The following SRGAP1 variants were observed in gnomAD, a reference collection of about 807,000 sequenced individuals.
The protein encoded by SRGAP1 is SLIT-ROBO Rho GTPase-activating protein 1.
A neutral mutation model predicts 121.9 loss-of-function variants in SRGAP1; 43 were observed. The ratio of observed to expected loss-of-function variants is 0.35; its 90% CI spans 0.28 to 0.46. The LOEUF (loss-of-function observed/expected upper bound fraction) is 0.46. SRGAP1 is among the 20% of genes least tolerant of loss of function. SRGAP1 has a pLI of 1.00. For synonymous variants in SRGAP1, 447 were observed against 485.4 expected (o/e 0.92, Z 1.04); for missense variants, 1,102 against 1,350.9 (o/e 0.82, Z 2.89).
chr12:63,896,390 A>G (rs1478644671), intron 1 of SRGAP1, among the ~76,000 whole-genome samples: 1 of 152,170 alleles, frequency 6.6e-6, no homozygotes, highest in Non-Finnish European at 1.5e-5. Context: ...ACACTTTCTT[A>G]CCTATAGTTG....
rs993127532 is a variant in SRGAP1 at position 64,147,698 on chromosome 12, G to A, written c.*5026G>A. 2.3e-5 allele frequency: 9 copies of A among 398,460 alleles called. No homozygotes were observed. The highest frequency in any genetic ancestry group is 4.0e-5 in the Non-Finnish European group (9 of 226,078). The allele number at this position is 398,460 out of a possible 1,614,324, so 24.7% of individuals were successfully genotyped here. A position where few individuals can be genotyped will look rare whatever the true frequency, so the allele number is the denominator to read the frequency against. On this transcript the variant is annotated 3_prime_UTR_variant, in exon 22 of 22. Coordinates refer to ENST00000355086, the MANE Select transcript of SRGAP1 (RefSeq NM_020762.4). The stretch of plus-strand genomic sequence containing the variant: ...TTTACAGTCTGGAAAGAAAAAAAAT[G>A]TTTTGTTAATCTGTTGTGACAATGC...
intron 1 of SRGAP1, among the ~76,000 whole-genome samples, chr12:63,934,088 C>T (rs916712617): frequency 3.9e-5 from 6 of 152,016 alleles, no homozygotes; most frequent in African/African-American, 1.5e-4. Flanking sequence ...GTCCTTTTGC[C>T]CTGAGATATA....
intron 3 of SRGAP1, among the ~76,000 whole-genome samples, chr12:64,014,446 C>T (rs1018801199): frequency 1.3e-5 from 2 of 152,092 alleles, no homozygotes; most frequent in Non-Finnish European, 2.9e-5. Context: ...GGGAATAACA[C>T]ACACTGGGGC....
chr12:63,957,923 C>T (rs770443763), intron 1 of SRGAP1, among the ~76,000 whole-genome samples: 8 of 152,126 alleles, frequency 5.3e-5, no homozygotes, highest in East Asian at 3.9e-4. Context: ...CATGCCTCTG[C>T]GGGGTGCTGA....
chr12:64,069,666 G>A (rs889103575), intron 8 of SRGAP1, among the ~76,000 whole-genome samples: 2 of 151,974 alleles, frequency 1.3e-5, no homozygotes, highest in Non-Finnish European at 2.9e-5. Flanking sequence ...CATTACTTTT[G>A]TTTTTGTTTT....
intron 1 of SRGAP1, among the ~76,000 whole-genome samples, chr12:63,917,189 A>G (rs894238526): frequency 2.0e-5 from 3 of 152,206 alleles, no homozygotes; most frequent in South Asian, 4.1e-4. Context: ...AACACTAATA[A>G]TAAATACTGC....
intron 3 of SRGAP1, among the ~76,000 whole-genome samples, chr12:64,014,215 C>T (rs1401592180): frequency 6.6e-6 from 1 of 152,180 alleles, no homozygotes; most frequent in Non-Finnish European, 1.5e-5. Context: ...CTTAGGCATT[C>T]TGACTCTAGT....
intron 1 of SRGAP1, among the ~76,000 whole-genome samples, chr12:63,921,074 G>A (rs1318082848): frequency 6.6e-5 from 10 of 152,024 alleles, no homozygotes; most frequent in Admixed American, 4.6e-4. Flanking sequence ...CATCTGGTTC[G>A]ACAAGCCAGA....
At chr12:64,062,065 A>G (rs1047583951) in intron 6 of SRGAP1, among the ~76,000 whole-genome samples, 1 of 152,086 alleles carries the variant, frequency 6.6e-6, no homozygotes, top group Admixed American at 6.6e-5. Flanking sequence ...GCTGAGTCAT[A>G]TGGTAACTCT....
intron 1 of SRGAP1, among the ~76,000 whole-genome samples, chr12:63,981,700 G>A (rs1248035055): frequency 3.3e-5 from 5 of 152,142 alleles, no homozygotes; most frequent in Non-Finnish European, 7.4e-5. Flanking sequence ...CGTCTGTGAA[G>A]TTATAATAAA....
At chr12:64,053,790 A>G (rs923031697) in intron 6 of SRGAP1, among the ~76,000 whole-genome samples, 1 of 152,194 alleles carries the variant, frequency 6.6e-6, no homozygotes, top group African/African-American at 2.4e-5. Flanking sequence ...ATTATCCTGT[A>G]AGAATTAGGA....
chr12:63,998,446 A>C (rs2033778487), intron 3 of SRGAP1, among the ~76,000 whole-genome samples: 1 of 152,172 alleles, frequency 6.6e-6, no homozygotes, highest in Non-Finnish European at 1.5e-5. Flanking sequence ...AGGAGGACTG[A>C]TGATGCTCAT....
intron 1 of SRGAP1, among the ~76,000 whole-genome samples, chr12:63,848,337 C>T (rs912717891): frequency 6.6e-6 from 1 of 152,044 alleles, no homozygotes. Flanking sequence ...GCCACTGTGG[C>T]TGCCTGCACA....
intron 17 of SRGAP1, 77 bp downstream of exon 17, chr12:64,112,063 A>T: frequency 8.2e-7 from 1 of 1,213,442 alleles, no homozygotes; most frequent in East Asian, 2.4e-5. Flanking sequence ...TAGAAGAAAG[A>T]GTTTCCCATA....
chr12:63,984,549 G>C (rs996912380), intron 2 of SRGAP1, among the ~76,000 whole-genome samples: 1 of 152,060 alleles, frequency 6.6e-6, no homozygotes, highest in Non-Finnish European at 1.5e-5. Context: ...CTTGAATTTT[G>C]TGCCCCCCTT....
At chr12:64,027,990 G>A (rs552265205) in intron 4 of SRGAP1, among the ~76,000 whole-genome samples, 1 of 152,256 alleles carries the variant, frequency 6.6e-6, no homozygotes, top group African/African-American at 2.4e-5. Flanking sequence ...TAATATAGAG[G>A]TCTAATACAC....
At chr12:64,039,659 G>GTGTGTGTGTGTGTGTGTGTGTGTGTA (rs1491522342) in intron 4 of SRGAP1, among the ~76,000 whole-genome samples, 1 of 143,244 alleles carries the variant, frequency 7.0e-6, no homozygotes, top group Non-Finnish European at 1.5e-5. Flanking sequence ...GTGTGTGTGT[G>GTGTGTGTGTGTGTGTGTGTGTGTGTA]TACACCCTCT....
intron 11 of SRGAP1, among the ~76,000 whole-genome samples, chr12:64,090,400 T>TA (rs566645221): frequency 1.6e-3 from 240 of 152,312 alleles, no homozygotes; most frequent in African/African-American, 5.7e-3. Flanking sequence ...AAATAATAAC[T>TA]CATGCGAGCC....
At position 63,911,817 on chromosome 12, in the gene SRGAP1, C is replaced by A. The variant is rs138187743; in HGVS notation, c.67+66934C>A. 2.6e-5 allele frequency among the ~76,000 whole-genome samples: 4 copies of A among 152,334 alleles called. No individual in the cohort carries two copies. In the East Asian group the frequency reaches 7.7e-4, roughly 29 times the overall value. On this transcript the variant is annotated intron_variant, in intron 1 of 21. Coordinates refer to ENST00000355086, the MANE Select transcript of SRGAP1 (RefSeq NM_020762.4). The stretch of plus-strand genomic sequence containing the variant: ...TTCCCCTCACAGAGGAAGTGTCTTT[C>A]AATAACCCAAAACTACTGGCTTCTA...
Sources: allele counts gnomAD v4.1 joint callset (sites outside exome capture counted in the v4.1 genomes callset), GRCh38; gene constraint gnomAD v4.1.1; transcripts MANE v1.5; gene names NCBI Gene and HGNC (gene_info 2026-07-23, HGNC 2026-07-21).